C1QB: variants seen among roughly 807,000 people sequenced by gnomAD.
C1QB encodes the protein complement C1q subcomponent subunit B.
In C1QB, 2 loss-of-function variants were observed where a neutral mutation model predicts 4.6. The observed-to-expected ratio is 0.43, with a 90% CI of 0.18 to 1.36. The LOEUF (loss-of-function observed/expected upper bound fraction) is 1.36, where lower values mean the gene tolerates loss of function less well. Ranked by LOEUF, C1QB falls within the 40% of genes most tolerant of loss-of-function variation. The pLI is 0.28. For synonymous variants in C1QB, 132 were observed against 137.1 expected (o/e 0.96, Z 0.26); for missense variants, 292 against 338.0 (o/e 0.86, Z 1.07).
At chr1:22,657,361 T>C (rs1361412630) in intron 1 of C1QB, among the ~76,000 whole-genome samples, 3 of 152,128 alleles carry the variant, frequency 2.0e-5, no homozygotes, top group Non-Finnish European at 1.5e-5. Context: ...TACTTTGCAA[T>C]ATCACATGTA....
intron 1 of C1QB, among the ~76,000 whole-genome samples, chr1:22,659,020 TG>T (rs1258752799): frequency 8.0e-6 from 1 of 124,926 alleles, no homozygotes; most frequent in Non-Finnish European, 1.7e-5. Context: ...GATGCAGGGA[TG>T]GAGGGATAGA....
chr1:22,659,791 G>A, intron 2 of C1QB, 148 bp downstream of exon 2: 1 of 951,306 alleles, frequency 1.1e-6, no homozygotes, highest in Non-Finnish European at 1.6e-6. Flanking sequence ...TGCAAGGAGG[G>A]AATTCTGATT....
chr1:22,654,246 T>C (rs1176438222), intron 1 of C1QB: 1 of 151,952 alleles, frequency 6.6e-6, no homozygotes, highest in East Asian at 1.9e-4. Context: ...ACCAGATGAG[T>C]TGTAAGCCCT....
In C1QB at chr1:22,660,910, G is replaced by A. The variant is rs1233712190; in HGVS notation, c.280G>A (p.Gly94Ser). Residue 94 changes from glycine to serine, a missense_variant, in exon 3 of 3, where the codon GGC (glycine) becomes AGC (serine). Coordinates refer to ENST00000509305, the MANE Select transcript of C1QB (RefSeq NM_001378156.1). ...AAAAGTCGGCCCCAAGGGCCCCATG[G>A]GCCCTAAAGGTGGCCCAGGGGCCCC... is the stretch of plus-strand genomic sequence containing the variant. The part of the protein sequence containing the change: ...PGKVGPKGPM[G>S]PKGGPGAPGA... The A allele has an allele frequency of 6.2e-7, 1 of 1,612,904 alleles. No homozygotes were observed. The highest frequency in any genetic ancestry group is 8.5e-7 in the Non-Finnish European group (1 of 1,179,680).
rs961596035 is a variant in C1QB, at chr1:22,661,067, A to G, written c.437A>G (p.Asn146Ser). The G allele has an allele frequency of 1.2e-6, 2 of 1,614,072 alleles. No homozygotes were observed. Among genetic ancestry groups the G allele is most frequent in the South Asian group, 1.1e-5 (1 of 91,068 alleles). Residue 146 changes from asparagine to serine, a missense_variant, in exon 3 of 3, where the codon AAC (asparagine) becomes AGC (serine). Transcript: ENST00000509305. The part of the protein sequence containing the change: ...QTIRFDHVIT[N>S]MNNNYEPRSG... Reference sequence around the variant, plus strand: ...ATCCGCTTCGACCACGTGATCACCAACATGAACAACAATTATGAGCCCCGC... The same window carrying G: ...ATCCGCTTCGACCACGTGATCACCAGCATGAACAACAATTATGAGCCCCGC...
chr1:22,653,377 G>T (rs547586440), intron 1 of C1QB, 74 bp downstream of exon 1: 85 of 152,490 alleles, frequency 5.6e-4, no homozygotes, highest in African/African-American at 2.0e-3. Context: ...CCGTAAGTGT[G>T]AGCTTTGCGT....
At chr1:22,660,759 G>A in intron 2 of C1QB, 53 bp from the exon 3 acceptor site, 1 of 1,578,560 alleles carries the variant, frequency 6.3e-7, no homozygotes, top group South Asian at 1.1e-5. Context: ...TCCAGCGCAG[G>A]CCTCCTTCTT....
At position 22,661,143 on chromosome 1, in the gene C1QB, C is replaced by T. The variant is rs45574336; in HGVS notation, c.513C>T (p.His171=). ...CCGGTCTCTACTACTTCACCTACCA[C>T]GCCAGCTCTCGAGGGAACCTGTGCG... ...KVPGLYYFTY[H]ASSRGNLCVN... is the part of the protein sequence containing the mutation. Residue 171 remains histidine, a synonymous_variant, in exon 3 of 3, where the codon CAC becomes CAT. Coordinates refer to ENST00000509305, the MANE Select transcript of C1QB (RefSeq NM_001378156.1). 7.9e-5 allele frequency: 127 copies of T among 1,614,170 alleles called. No individual in the cohort carries two copies. In the East Asian group the frequency reaches 2.3e-3, roughly 29 times the overall value.
intron 1 of C1QB, 91 bp from the exon 2 acceptor site, chr1:22,659,345 GAGAT>G (rs748564687): frequency 5.1e-6 from 5 of 976,052 alleles, no homozygotes; most frequent in African/African-American, 2.1e-5. Context: ...GAGGAATAGA[GAGAT>G]GGATGGATGG....
chr1:22,660,670 A>C (rs1224790161), intron 2 of C1QB, 142 bp from the exon 3 acceptor site: 1 of 804,622 alleles, frequency 1.2e-6, no homozygotes, highest in East Asian at 2.6e-5. Flanking sequence ...GGAGACCCAG[A>C]GCCCCTGCCT....
chr1:22,656,241 A>T (rs1449840374), intron 1 of C1QB, among the ~76,000 whole-genome samples: 1 of 152,198 alleles, frequency 6.6e-6, no homozygotes. Context: ...GAATTGCCAT[A>T]AGCGGTAATT....
intron 1 of C1QB, among the ~76,000 whole-genome samples, chr1:22,658,348 C>T (rs1488206042): frequency 6.6e-6 from 1 of 152,150 alleles, no homozygotes; most frequent in Non-Finnish European, 1.5e-5. Flanking sequence ...TTTTCTGGAC[C>T]TTCAGGTCTC....
intron 1 of C1QB, among the ~76,000 whole-genome samples, chr1:22,654,562 A>G (rs1420904915): frequency 1.3e-5 from 2 of 152,220 alleles, no homozygotes; most frequent in African/African-American, 4.8e-5. Context: ...ATTCATTAAG[A>G]ATTTCCAACA....
intron 1 of C1QB, among the ~76,000 whole-genome samples, chr1:22,658,864 GGGAT>G (rs1642566717): frequency 6.8e-6 from 1 of 146,384 alleles, no homozygotes; most frequent in Non-Finnish European, 1.5e-5. Flanking sequence ...GAAGGATGGA[GGGAT>G]GGATGGATGG....
At chr1:22,656,400 G>A (rs1159132687) in intron 1 of C1QB, among the ~76,000 whole-genome samples, 6 of 152,120 alleles carry the variant, frequency 3.9e-5, no homozygotes, top group African/African-American at 9.7e-5. Flanking sequence ...ATAGCCAAGC[G>A]AGATGGTGCG....
intron 1 of C1QB, among the ~76,000 whole-genome samples, chr1:22,656,493 G>C (rs114007107): frequency 0.015 from 2,249 of 152,238 alleles, 58 homozygotes; most frequent in African/African-American, 0.05. Flanking sequence ...GGGCAACAGA[G>C]TGAGACCCCA....
rs368061355 is a variant in C1QB, at chr1:22,661,419, C to T, written c.*33C>T. On this transcript the variant is annotated 3_prime_UTR_variant, in exon 3 of 3. Coordinates refer to ENST00000509305, the MANE Select transcript of C1QB (RefSeq NM_001378156.1). ...GCTGCTTCACATCCACCCCGGCTCC[C>T]CCTGCCAGCAACGCTCACTCTACCC... The T allele has an allele frequency of 1.9e-6, 3 of 1,612,450 alleles. No homozygotes were observed. Among genetic ancestry groups the T allele is most frequent in the African/African-American group, 1.3e-5 (1 of 74,876 alleles).
chr1:22,658,892 GGGAT>G (rs1196439053), intron 1 of C1QB, among the ~76,000 whole-genome samples: 60 of 138,812 alleles, frequency 4.3e-4, no homozygotes, highest in African/African-American at 1.4e-3. Flanking sequence ...GCAGGATGGA[GGGAT>G]GGATGGATGG....
chr1:22,660,759 G>C lies in C1QB; in HGVS notation c.182-53G>C, dbSNP rs959045270. The C allele has an allele frequency of 2.6e-5, 41 of 1,578,442 alleles. 1 individual carries two copies. The Admixed American group carries it at 6.7e-4, about 26-fold the overall frequency. ...GGCCCTGCCCAAGGTTCCAGCGCAG[G>C]CCTCCTTCTTTTGGTCTCAGTGATC... is the stretch of plus-strand genomic sequence containing the variant. On this transcript the variant is annotated intron_variant, in intron 2 of 2. Transcript: ENST00000509305.
Sources: gnomAD v4.1 joint callset for allele counts (sites outside exome capture counted in the v4.1 genomes callset) on GRCh38, gnomAD v4.1.1 for gene constraint, MANE v1.5 for transcripts, NCBI Gene and HGNC (gene_info 2026-07-23, HGNC 2026-07-21) for gene names.